The following FAT3 variants were observed in gnomAD, a reference collection of about 807,000 sequenced individuals.
FAT3 encodes the protein FAT atypical cadherin 3, also known as protocadherin Fat 3.
Under a neutral mutation model 310.2 loss-of-function variants are expected in FAT3, and 95 were observed. The ratio of observed to expected loss-of-function variants is 0.31; its 90% confidence interval spans 0.26 to 0.36. The LOEUF (loss-of-function observed/expected upper bound fraction) is 0.36, where lower values mean the gene tolerates loss of function less well. Ranked by LOEUF, FAT3 falls within the 10% of genes least tolerant of loss-of-function variation. FAT3 has a pLI of 1.00. For synonymous variants in FAT3, 2,314 were observed against 2,192.9 expected, an observed-to-expected ratio of 1.06 and a Z score of -1.54; for missense variants, 5,408 against 5,715.6, an observed-to-expected ratio of 0.95 and a Z score of 1.74.
At chr11:92,746,588 C>G (rs1945678741) in intron 4 of FAT3, among the ~76,000 whole-genome samples, 1 of 152,130 alleles carries the variant, frequency 6.6e-6, no homozygotes, top group Non-Finnish European at 1.5e-5. Context: ...TGAAAGTCCC[C>G]CAAAGTCTTA....
intron 2 of FAT3, among the ~76,000 whole-genome samples, chr11:92,417,364 T>C (rs749332019): frequency 2.0e-5 from 3 of 152,186 alleles, no homozygotes; most frequent in Non-Finnish European, 4.4e-5. Context: ...GCCTCTTAGG[T>C]GCATTGCTGA....
chr11:92,740,841 G>A (rs917149603), intron 4 of FAT3, among the ~76,000 whole-genome samples: 3 of 151,996 alleles, frequency 2.0e-5, no homozygotes, highest in Non-Finnish European at 4.4e-5. Flanking sequence ...CATTTGATTG[G>A]TCAGTTTTAT....
chr11:92,337,161 T>C (rs1424646901), intron 1 of FAT3, among the ~76,000 whole-genome samples: 3 of 152,182 alleles, frequency 2.0e-5, no homozygotes, highest in Non-Finnish European at 4.4e-5. Flanking sequence ...TAAGAACTTA[T>C]TCTGTGTTAG....
chr11:92,477,939 G>A (rs1246155192), intron 2 of FAT3, among the ~76,000 whole-genome samples: 3 of 152,198 alleles, frequency 2.0e-5, no homozygotes, highest in Non-Finnish European at 4.4e-5. Context: ...TTAGAAGTCA[G>A]TAATACTGTC....
chr11:92,536,867 T>A (rs1249416694), intron 3 of FAT3, among the ~76,000 whole-genome samples: 1 of 152,120 alleles, frequency 6.6e-6, no homozygotes, highest in Non-Finnish European at 1.5e-5. Context: ...TATTTCAACT[T>A]CCCAAGAGTA....
intron 3 of FAT3, among the ~76,000 whole-genome samples, chr11:92,691,611 C>T (rs1451766207): frequency 6.6e-6 from 1 of 152,066 alleles, no homozygotes; most frequent in Non-Finnish European, 1.5e-5. Context: ...ATACTCCTGG[C>T]CTCAAGCAAT....
In FAT3 at chr11:92,345,397, T is replaced by C. The variant is rs968013313; in HGVS notation, c.-17-6699T>C. 4.2e-4 allele frequency among the ~76,000 whole-genome samples: 64 copies of C among 152,120 alleles called. 1 individual carries two copies. The highest frequency in any genetic ancestry group is 2.2e-3 in the Admixed American group (33 of 15,274). ...AAGACAGTACTATCAGAAAGGTAGG[T>C]AGAAATAAAATACAGACAATATTTA... On this transcript the variant is annotated intron_variant, in intron 1 of 27. Coordinates refer to ENST00000525166, the MANE Select transcript of FAT3 (RefSeq NM_001367949.2).
At chr11:92,471,797 T>C (rs1263141462) in intron 2 of FAT3, among the ~76,000 whole-genome samples, 1 of 151,868 alleles carries the variant, frequency 6.6e-6, no homozygotes, top group Non-Finnish European at 1.5e-5. Flanking sequence ...ATTCATGCAG[T>C]TGAATATTAT....
At chr11:92,330,562 G>T (rs1489274388) in intron 1 of FAT3, among the ~76,000 whole-genome samples, 3 of 152,156 alleles carry the variant, frequency 2.0e-5, no homozygotes, top group Non-Finnish European at 4.4e-5. Context: ...TAAGTGTTTT[G>T]CCCAGGGTCC....
chr11:92,507,662 A>G (rs1953155735), intron 2 of FAT3, among the ~76,000 whole-genome samples: 1 of 150,278 alleles, frequency 6.7e-6, no homozygotes, highest in Non-Finnish European at 1.5e-5. Context: ...ATATATACAC[A>G]TATATGTACA....
intron 13 of FAT3, among the ~76,000 whole-genome samples, chr11:92,819,924 G>A (rs192831800): frequency 1.8e-4 from 28 of 152,256 alleles, no homozygotes; most frequent in African/African-American, 6.0e-4. Flanking sequence ...ATATTCCTCC[G>A]TTATGGTAGC....
intron 3 of FAT3, among the ~76,000 whole-genome samples, chr11:92,665,323 G>A (rs1454008964): frequency 6.6e-6 from 1 of 152,078 alleles, no homozygotes; most frequent in East Asian, 1.9e-4. Context: ...ATGTTGTCAA[G>A]TACAGAAAAA....
At chr11:92,440,825 G>A (rs975458760) in intron 2 of FAT3, among the ~76,000 whole-genome samples, 1 of 152,178 alleles carries the variant, frequency 6.6e-6, no homozygotes, top group African/African-American at 2.4e-5. Flanking sequence ...GAAGTATAAT[G>A]GAATAGGCTT....
At chr11:92,375,549 T>A (rs923834792) in intron 2 of FAT3, among the ~76,000 whole-genome samples, 1 of 139,432 alleles carries the variant, frequency 7.2e-6, no homozygotes, top group African/African-American at 3.0e-5. Flanking sequence ...GCCCCAGGGA[T>A]AGTCAGTGGC....
intron 1 of FAT3, among the ~76,000 whole-genome samples, chr11:92,315,512 T>TATAGAGAGAGAG (rs1353970811): frequency 5.3e-4 from 30 of 56,166 alleles, no homozygotes; most frequent in Non-Finnish European, 8.0e-4. Context: ...TATATATATA[T>TATAGAGAGAGAG]AGAGAGAGAG....
intron 7 of FAT3, among the ~76,000 whole-genome samples, 158 bp from the exon 8 acceptor site, chr11:92,789,785 C>T (rs965044338): frequency 6.6e-5 from 10 of 152,130 alleles, no homozygotes; most frequent in Non-Finnish European, 1.3e-4. Context: ...CCTCTAATTA[C>T]AGAATGTTTT....
chr11:92,440,758 G>A (rs951256302), intron 2 of FAT3, among the ~76,000 whole-genome samples: 2 of 152,174 alleles, frequency 1.3e-5, no homozygotes, highest in East Asian at 3.9e-4. Flanking sequence ...TTTTACCAAA[G>A]GGTTAGTAAT....
At chr11:92,486,130 GT>G (rs71064714) in intron 2 of FAT3, among the ~76,000 whole-genome samples, 65 of 37,140 alleles carry the variant, frequency 1.8e-3, no homozygotes, top group South Asian at 0.012. Flanking sequence ...GGCTGCTGGG[GT>G]TTTTTTTTTT....
chr11:92,641,065 A>G (rs531668835), intron 3 of FAT3, among the ~76,000 whole-genome samples: 1 of 152,174 alleles, frequency 6.6e-6, no homozygotes, highest in East Asian at 1.9e-4. Context: ...GCATGATAGC[A>G]TGCACCTGTA....
Sources: allele counts gnomAD v4.1 joint callset (sites outside exome capture counted in the v4.1 genomes callset), GRCh38; gene constraint gnomAD v4.1.1; transcripts MANE v1.5; gene names NCBI Gene and HGNC (gene_info 2026-07-23, HGNC 2026-07-21).